The following PDE1C variants were observed in gnomAD, a reference collection of about 807,000 sequenced individuals.
PDE1C encodes dual specificity calcium/calmodulin-dependent 3',5'-cyclic nucleotide phosphodiesterase 1C.
In PDE1C, 62 loss-of-function variants were observed where a neutral mutation model predicts 93.1. The ratio of observed to expected loss-of-function variants is 0.67; its 90% CI spans 0.54 to 0.82. PDE1C has a LOEUF of 0.82. PDE1C is among the 40% of genes least tolerant of loss of function. The pLI, the probability that PDE1C is intolerant of heterozygous loss-of-function variation, is 0.00. For synonymous variants in PDE1C, 325 were observed against 310.1 expected (o/e 1.05, Z -0.50); for missense variants, 742 against 884.6 (o/e 0.84, Z 2.04).
At chr7:32,015,285 CA>C (rs1787734816) in intron 2 of PDE1C, among the ~76,000 whole-genome samples, 1 of 135,948 alleles carries the variant, frequency 7.4e-6, no homozygotes, top group Non-Finnish European at 1.7e-5. Context: ...GGAGCAAATT[CA>C]AATGAGTTTA....
chr7:31,648,884 T>G, the PDE1C span, among the ~76,000 whole-genome samples: 11 of 152,336 alleles, frequency 7.2e-5, no homozygotes, highest in Non-Finnish European at 1.2e-4. Context: ...GTTCGAAATC[T>G]TACTGCCATT....
chr7:31,752,719 G>A lies in PDE1C; in HGVS notation c.*665C>T, dbSNP rs1794197632. On this transcript the variant is annotated 3_prime_UTR_variant, in exon 18 of 18. Coordinates refer to ENST00000396191, the MANE Select transcript of PDE1C (RefSeq NM_001191057.4). ...CAAAGTACATGAGGTTATTGGGCAT[G>A]AGGCACAATCTTCATGAGGCACAAA... 1 of 152,150 alleles carries A rather than the reference G, an allele frequency of 6.6e-6. No individual in the cohort carries two copies. The highest frequency in any genetic ancestry group is 2.4e-5 in the African/African-American group (1 of 41,444). 9.4% of individuals were successfully genotyped at this position (152,150 alleles called of 1,614,324 possible).
chr7:31,859,278 T>C (rs1185143573), intron 7 of PDE1C, among the ~76,000 whole-genome samples: 1 of 149,856 alleles, frequency 6.7e-6, no homozygotes. Flanking sequence ...TAGAGACTTA[T>C]TTATCCTGTT....
At chr7:31,835,300 T>G (rs932406916) in intron 11 of PDE1C, among the ~76,000 whole-genome samples, 1 of 152,094 alleles carries the variant, frequency 6.6e-6, no homozygotes, top group Non-Finnish European at 1.5e-5. Context: ...GAGAACATCC[T>G]CCTACTACTA....
chr7:31,626,021 C>G, the PDE1C span, among the ~76,000 whole-genome samples: 1 of 151,992 alleles, frequency 6.6e-6, no homozygotes, highest in Non-Finnish European at 1.5e-5. Context: ...ATGACTAACT[C>G]TATGATTTTT....
intron 3 of PDE1C, among the ~76,000 whole-genome samples, chr7:32,082,609 G>C (rs1034008495): frequency 6.6e-6 from 1 of 152,204 alleles, no homozygotes; most frequent in South Asian, 2.1e-4. Flanking sequence ...CCCCCAGTAG[G>C]GGCAGACTGA....
chr7:32,426,072 A>C (rs146053463), intron 1 of PDE1C, among the ~76,000 whole-genome samples: 1 of 152,320 alleles, frequency 6.6e-6, no homozygotes, highest in African/African-American at 2.4e-5. Flanking sequence ...TGAGTTTCAC[A>C]AAGGAAGCCC....
intron 3 of PDE1C, 91 bp downstream of exon 3, chr7:31,880,656 C>A (rs2128878700): frequency 1.4e-6 from 1 of 732,412 alleles, no homozygotes; most frequent in East Asian, 2.6e-5. Flanking sequence ...GAATGTCACC[C>A]CATTCCTGGC....
intron 9 of PDE1C, among the ~76,000 whole-genome samples, chr7:31,841,223 C>CTA (rs1358467591): frequency 7.5e-5 from 8 of 107,074 alleles, no homozygotes; most frequent in African/African-American, 3.2e-4. Flanking sequence ...CTCTCTCTCT[C>CTA]TCTCTATATA....
At chr7:31,705,012 T>G in the PDE1C span, among the ~76,000 whole-genome samples, 39 of 152,282 alleles carry the variant, frequency 2.6e-4, no homozygotes, top group African/African-American at 9.1e-4. Context: ...AATCAAGATT[T>G]CTATGAGCTA....
At chr7:31,945,069 CTAGAATGT>C (rs1374588708) in intron 2 of PDE1C, among the ~76,000 whole-genome samples, 1 of 151,994 alleles carries the variant, frequency 6.6e-6, no homozygotes, top group Non-Finnish European at 1.5e-5. Context: ...CGTGGTGTCC[CTAGAATGT>C]AGTCCATCTA....
At chr7:31,661,444 G>A in the PDE1C span, among the ~76,000 whole-genome samples, 1 of 152,138 alleles carries the variant, frequency 6.6e-6, no homozygotes, top group African/African-American at 2.4e-5. Context: ...CAGGCGCAGT[G>A]GCTCACACCT....
intron 3 of PDE1C, among the ~76,000 whole-genome samples, chr7:32,152,393 G>T (rs1362407193): frequency 6.6e-6 from 1 of 152,162 alleles, no homozygotes; most frequent in Non-Finnish European, 1.5e-5. Context: ...TCAGCGAAAG[G>T]CACCAAAACA....
chr7:32,132,376 C>T (rs1246710970), intron 3 of PDE1C, among the ~76,000 whole-genome samples: 7 of 152,038 alleles, frequency 4.6e-5, no homozygotes, highest in Non-Finnish European at 7.4e-5. Flanking sequence ...TTTATCATAT[C>T]GGTTAAGCAG....
In PDE1C at chr7:32,214,975, T is replaced by TTGA. The variant is rs143895270; in HGVS notation, c.86-5439_86-5437dup. Among the ~76,000 whole-genome samples the TTGA allele has an allele frequency of 9.8e-3, 1,484 of 151,224 alleles. 18 individuals carry two copies. The highest frequency in any genetic ancestry group is 0.031 in the African/African-American group (1,297 of 41,246). ...AAGTGTGATCAGCTAGGGAAGTGAC[T>TTGA]TGATGATGATGATGATGATGATGAT... On this transcript the variant is annotated intron_variant, in intron 1 of 18. Coordinates refer to the PDE1C transcript ENST00000396193.
At chr7:32,167,862 T>G (rs995683137) in intron 3 of PDE1C, among the ~76,000 whole-genome samples, 1 of 152,124 alleles carries the variant, frequency 6.6e-6, no homozygotes, top group African/African-American at 2.4e-5. Flanking sequence ...AGCTGTAGGG[T>G]AACCTTGATT....
intron 1 of PDE1C, among the ~76,000 whole-genome samples, chr7:32,390,455 T>A (rs1476796191): frequency 6.8e-6 from 1 of 147,376 alleles, no homozygotes; most frequent in East Asian, 2.0e-4. Context: ...CTACAATGCA[T>A]AGGACAGCTT....
chr7:31,797,234 G>A (rs1274491709), intron 16 of PDE1C, among the ~76,000 whole-genome samples: 2 of 151,686 alleles, frequency 1.3e-5, no homozygotes, highest in African/African-American at 2.4e-5. Context: ...CAGATATTTG[G>A]TCCCTCTTTG....
At chr7:31,685,060 A>G in the PDE1C span, among the ~76,000 whole-genome samples, 2 of 152,034 alleles carry the variant, frequency 1.3e-5, no homozygotes, top group African/African-American at 4.8e-5. Flanking sequence ...TTCAGCAATG[A>G]CAAAGAACAA....
Sources: allele counts gnomAD v4.1 joint callset (sites outside exome capture counted in the v4.1 genomes callset), GRCh38; gene constraint gnomAD v4.1.1; transcripts MANE v1.5; gene names NCBI Gene and HGNC (gene_info 2026-07-23, HGNC 2026-07-21).